Variants in PHKB observed in about 807,000 individuals in gnomAD.
PHKB encodes phosphorylase b kinase regulatory subunit beta.
PHKB carries 122 observed loss-of-function variants against 152.1 expected under a neutral mutation model. That is an observed-to-expected ratio of 0.80 (90% CI 0.69 to 0.93). The LOEUF is 0.93. Ranked by LOEUF, PHKB falls within the 40% of genes least tolerant of loss-of-function variation. The pLI, the probability that PHKB is intolerant of heterozygous loss-of-function variation, is 0.00. For missense variants in PHKB, 1,304 were observed against 1,328.4 expected (o/e 0.98, Z 0.29); for synonymous variants, 436 against 464.9 (o/e 0.94, Z 0.80).
At chr16:47,505,355 G>A (rs889778007) in intron 4 of PHKB, 2 of 152,268 alleles carry the variant, frequency 1.3e-5, no homozygotes, top group Non-Finnish European at 2.9e-5. Context: ...GGTGTTGGTT[G>A]ATACAGGAGG....
At chr16:47,566,420 C>T (rs1971567997) in intron 7 of PHKB, 1 of 1,608,714 alleles carries the variant, frequency 6.2e-7, no homozygotes, top group Admixed American at 1.7e-5. Flanking sequence ...TACCTAGAGA[C>T]TCTTCATTGA....
intron 7 of PHKB, among the ~76,000 whole-genome samples, chr16:47,554,736 C>T (rs1441016564): frequency 1.3e-5 from 2 of 152,188 alleles, no homozygotes; most frequent in African/African-American, 4.8e-5. Flanking sequence ...TTCCTCGCAG[C>T]ATAGTCCCTC....
chr16:47,500,194 C>T (rs1433353105), intron 3 of PHKB, among the ~76,000 whole-genome samples: 2 of 151,978 alleles, frequency 1.3e-5, no homozygotes, highest in African/African-American at 2.4e-5. Flanking sequence ...TGCACTACCA[C>T]GCCTGGCTAA....
chr16:47,516,202 AG>A lies in PHKB; in HGVS notation c.594+603del, dbSNP rs1416330725. Among the ~76,000 whole-genome samples, 4 of 152,294 alleles carry A rather than the reference AG, an allele frequency of 2.6e-5. No individual in the cohort carries two copies. The South Asian group carries it at 8.3e-4, about 32-fold the overall frequency. ...CGGCCTCCCAAAGTGCTGGGATTACAGGAGTGAGCCACCGTGCCCGGCCTCT... is the reference window on the plus strand; with the variant it reads ...CGGCCTCCCAAAGTGCTGGGATTACAGAGTGAGCCACCGTGCCCGGCCTCT... On this transcript the variant is annotated intron_variant, in intron 6 of 30. Coordinates refer to ENST00000323584, the MANE Select transcript of PHKB (RefSeq NM_000293.3).
intron 14 of PHKB, among the ~76,000 whole-genome samples, chr16:47,616,612 TA>T (rs987444717): frequency 2.1e-5 from 3 of 145,724 alleles, no homozygotes; most frequent in Admixed American, 6.9e-5. Flanking sequence ...ATTTTACATA[TA>T]AATATCATAT....
At chr16:47,618,004 C>T (rs906727088) in intron 14 of PHKB, among the ~76,000 whole-genome samples, 3 of 151,912 alleles carry the variant, frequency 2.0e-5, no homozygotes, top group Non-Finnish European at 4.4e-5. Flanking sequence ...CCACTGTGGC[C>T]TTTAATCAGT....
chr16:47,626,196 C>T (rs930221513), intron 14 of PHKB, among the ~76,000 whole-genome samples: 1 of 152,126 alleles, frequency 6.6e-6, no homozygotes, highest in African/African-American at 2.4e-5. Flanking sequence ...TGGAGTATCT[C>T]CTCTGCAGTT....
At chr16:47,660,933 G>T in intron 22 of PHKB, 114 bp downstream of exon 22, 1 of 1,038,202 alleles carries the variant, frequency 9.6e-7, no homozygotes, top group South Asian at 1.3e-5. Flanking sequence ...TTAATCTGGA[G>T]GTGGATGACT....
At chr16:47,557,642 A>G (rs949661603) in intron 7 of PHKB, among the ~76,000 whole-genome samples, 5 of 152,258 alleles carry the variant, frequency 3.3e-5, no homozygotes, top group African/African-American at 1.2e-4. Flanking sequence ...AATGCTCACC[A>G]TCACTGGCCA....
In PHKB at chr16:47,650,813, T is replaced by C. The variant is rs748474913; in HGVS notation, c.1881-18T>C. ...TTCTGTTGTTAATCTGTACATTTTG[T>C]TTATTTATATTTTTTAGAGGTAGCC... On this transcript the variant is annotated intron_variant, in intron 19 of 30. Coordinates refer to ENST00000323584, the MANE Select transcript of PHKB (RefSeq NM_000293.3). The C allele has an allele frequency of 6.4e-7, 1 of 1,572,050 alleles. No homozygotes were observed. Among genetic ancestry groups the C allele is most frequent in the Non-Finnish European group, 8.8e-7 (1 of 1,142,304 alleles).
intron 6 of PHKB, among the ~76,000 whole-genome samples, chr16:47,528,053 TAGAA>T (rs1251319345): frequency 6.6e-6 from 1 of 152,220 alleles, no homozygotes; most frequent in African/African-American, 2.4e-5. Context: ...GTAAGTGACT[TAGAA>T]AGAAATAGAA....
chr16:47,519,649 G>T (rs1030237623), intron 6 of PHKB, among the ~76,000 whole-genome samples: 20 of 152,160 alleles, frequency 1.3e-4, no homozygotes, highest in African/African-American at 4.1e-4. Flanking sequence ...AAAAAATACA[G>T]TGCTTTTTAT....
intron 14 of PHKB, among the ~76,000 whole-genome samples, chr16:47,628,777 G>T (rs909547480): frequency 6.6e-6 from 1 of 152,070 alleles, no homozygotes; most frequent in South Asian, 2.1e-4. Flanking sequence ...AAACTATACT[G>T]CAAGGCTGCA....
At chr16:47,503,173 G>T in intron 4 of PHKB, 83 bp downstream of exon 4, 1 of 978,878 alleles carries the variant, frequency 1.0e-6, no homozygotes, top group South Asian at 1.4e-5. Context: ...TTCTTCTGAA[G>T]AAGAATGTAC....
chr16:47,489,584 C>A (rs768375741), intron 1 of PHKB, among the ~76,000 whole-genome samples: 1 of 152,184 alleles, frequency 6.6e-6, no homozygotes, highest in African/African-American at 2.4e-5. Flanking sequence ...GGGTTTGTAT[C>A]CTCAAATACC....
intron 1 of PHKB, among the ~76,000 whole-genome samples, chr16:47,472,880 C>G (rs1969797383): frequency 6.6e-6 from 1 of 151,528 alleles, no homozygotes; most frequent in Non-Finnish European, 1.5e-5. Context: ...GTTGAGGCTA[C>G]AGTGAGGTCG....
intron 6 of PHKB, among the ~76,000 whole-genome samples, chr16:47,525,938 T>A (rs561512747): frequency 6.6e-6 from 1 of 152,122 alleles, no homozygotes; most frequent in African/African-American, 2.4e-5. Flanking sequence ...TTGAGTACTT[T>A]CTGTGGCTCC....
intron 3 of PHKB, 21 bp from the exon 4 acceptor site, chr16:47,502,970 T>A: frequency 6.7e-7 from 1 of 1,500,972 alleles, no homozygotes; most frequent in Non-Finnish European, 9.3e-7. Context: ...ATTAGTTTCA[T>A]GAGTTATCTC....
In PHKB at chr16:47,545,396, T is replaced by A. The variant is rs186631511; in HGVS notation, c.595-2037T>A. Among the ~76,000 whole-genome samples, 630 of 152,358 alleles carry A rather than the reference T, an allele frequency of 4.1e-3. 6 individuals are homozygous for A. The highest frequency in any genetic ancestry group is 0.014 in the African/African-American group (600 of 41,584). Reference sequence around the variant, plus strand: ...TGTAATTCTGGGTTGAAAATTCTTTTCTTTACGAATGGCGAATATTGGCCC... The same window carrying A: ...TGTAATTCTGGGTTGAAAATTCTTTACTTTACGAATGGCGAATATTGGCCC... On this transcript the variant is annotated intron_variant, in intron 6 of 30. Coordinates refer to ENST00000323584, the MANE Select transcript of PHKB (RefSeq NM_000293.3).
Sources: gnomAD v4.1 joint callset for allele counts (sites outside exome capture counted in the v4.1 genomes callset) on GRCh38, gnomAD v4.1.1 for gene constraint, MANE v1.5 for transcripts, NCBI Gene and HGNC (gene_info 2026-07-23, HGNC 2026-07-21) for gene names.